Variants in XDH observed in about 807,000 individuals in gnomAD.
XDH encodes xanthine dehydrogenase/oxidase.
Under a neutral mutation model 156.1 loss-of-function variants are expected in XDH, and 138 were observed. The observed-to-expected ratio is 0.88, with a 90% CI of 0.77 to 1.02. The LOEUF (loss-of-function observed/expected upper bound fraction) is 1.02, where lower values mean the gene tolerates loss of function less well. XDH is among the 50% of genes least tolerant of loss of function. The pLI, the probability that XDH is intolerant of heterozygous loss-of-function variation, is 0.00. For missense variants in XDH, 1,849 were observed against 1,684.9 expected (o/e 1.10, Z -1.71); for synonymous variants, 669 against 625.7 (o/e 1.07, Z -1.03).
At chr2:31,404,806 C>T (rs1192551323) in intron 2 of XDH, among the ~76,000 whole-genome samples, 1 of 152,074 alleles carries the variant, frequency 6.6e-6, no homozygotes, top group Non-Finnish European at 1.5e-5. Context: ...GGTAAAAAAT[C>T]CAGAACAAAG....
rs147951650 is a variant in XDH at position 31,408,822 on chromosome 2, G to A, written c.43-2858C>T. Among the ~76,000 whole-genome samples, 578 of 152,306 alleles carry A rather than the reference G, an allele frequency of 3.8e-3. 8 individuals are homozygous for A. Among genetic ancestry groups the A allele is most frequent in the Non-Finnish European group, 3.7e-3 (251 of 68,028 alleles). On this transcript the variant is annotated intron_variant, in intron 1 of 35. Coordinates refer to ENST00000379416, the MANE Select transcript of XDH (RefSeq NM_000379.4). ...AGAAAGGAAGTCAGTATATAAAACAGATACCTGCACTCCTATGTTTTTTGC... is the reference window on the plus strand; with the variant it reads ...AGAAAGGAAGTCAGTATATAAAACAAATACCTGCACTCCTATGTTTTTTGC...
intron 13 of XDH, among the ~76,000 whole-genome samples, chr2:31,378,118 G>A (rs1437376052): frequency 0.018 from 660 of 37,182 alleles, 45 homozygotes; most frequent in African/African-American, 0.058. Flanking sequence ...AAGGAAGGAA[G>A]GAAGGAAGGA....
chr2:31,400,084 C>T (rs1023984628), intron 4 of XDH, among the ~76,000 whole-genome samples: 2 of 152,074 alleles, frequency 1.3e-5, no homozygotes, highest in South Asian at 2.1e-4. Context: ...AATCCCACCC[C>T]GACCTGGCTG....
rs756305972 is a variant in XDH at position 31,379,897 on chromosome 2, C to G, written c.1212G>C (p.Leu404=). ...RKTLLSPEEI[L]LSIEIPYSRE... is the part of the protein sequence containing the mutation. ...TGCTGTAGGGGATCTCTATGGAGAGCAGTATCTCCTCCGGGCTCAGCAGGG... is the reference window on the plus strand; with the variant it reads ...TGCTGTAGGGGATCTCTATGGAGAGGAGTATCTCCTCCGGGCTCAGCAGGG... The change falls in exon 13 of 36, where the codon CTG becomes CTC. Residue 404 remains leucine, a synonymous_variant. Transcript: ENST00000379416. 1 of 1,614,172 alleles carries G rather than the reference C, an allele frequency of 6.2e-7. No individual in the cohort carries two copies. The highest frequency in any genetic ancestry group is 8.5e-7 in the Non-Finnish European group (1 of 1,180,024).
chr2:31,375,519 GCACACACGT>G lies in XDH; in HGVS notation c.1454_1462del (p.Asp485_Cys487del). On this transcript the variant is annotated inframe_deletion, in exon 15 of 36. Transcript: ENST00000379416. ...CAGATGCAGCTCCTCTGCCAGTCCT[GCACACACGT>G]CCTGCAGCAGCTCCTCCTTCCAGAG... 1.2e-6 allele frequency: 2 copies of G among 1,613,956 alleles called. No homozygotes were observed. The highest frequency in any genetic ancestry group is 3.3e-5 in the Admixed American group (2 of 60,022).
chr2:31,338,945 G>A (rs1343388163), intron 34 of XDH, among the ~76,000 whole-genome samples: 2 of 151,598 alleles, frequency 1.3e-5, no homozygotes, highest in African/African-American at 2.4e-5. Flanking sequence ...GGCTGGTCTC[G>A]AACTTCTGAG....
intron 7 of XDH, 122 bp from the exon 8 acceptor site, chr2:31,388,019 C>T: frequency 1.6e-6 from 2 of 1,212,750 alleles, no homozygotes; most frequent in Non-Finnish European, 2.4e-6. Flanking sequence ...GCAAGAGGAG[C>T]AGGTAATCCC....
At position 31,411,281 on chromosome 2, in the gene XDH, A is replaced by G. The variant is rs1188398094; in HGVS notation, c.42+3344T>C. On this transcript the variant is annotated intron_variant, in intron 1 of 35. Coordinates refer to ENST00000379416, the MANE Select transcript of XDH (RefSeq NM_000379.4). ...GGGCGACACAGTGAAACCCTGTCTC[A>G]GGAAAAAAAAAAAAAAAAAGAATAT... Among the ~76,000 whole-genome samples, 4 of 147,700 alleles carry G rather than the reference A, an allele frequency of 2.7e-5. No individual in the cohort carries two copies. In the East Asian group the frequency reaches 5.8e-4, roughly 22 times the overall value.
At chr2:31,354,456 A>T (rs947996019) in intron 24 of XDH, among the ~76,000 whole-genome samples, 1 of 152,230 alleles carries the variant, frequency 6.6e-6, no homozygotes, top group Non-Finnish European at 1.5e-5. Context: ...GGTGACAAAG[A>T]TGTTAAAATT....
intron 31 of XDH, among the ~76,000 whole-genome samples, chr2:31,342,499 C>A (rs45598233): frequency 6.6e-6 from 1 of 152,170 alleles, no homozygotes; most frequent in Admixed American, 6.5e-5. Context: ...CTGGGCCCTC[C>A]TCTATTTTGC....
intron 2 of XDH, among the ~76,000 whole-genome samples, chr2:31,403,986 A>G (rs1218731281): frequency 6.6e-6 from 1 of 152,144 alleles, no homozygotes; most frequent in Non-Finnish European, 1.5e-5. Context: ...ACAATGATAT[A>G]ACATCTTATT....
rs1205909937 is a variant in XDH, at chr2:31,368,594, C to G, written c.2047G>C (p.Ala683Pro). 6.2e-7 allele frequency: 1 copy of G among 1,614,176 alleles called. No individual in the cohort carries two copies. Residue 683 changes from alanine (A) to proline (P), a missense_variant, in exon 19 of 36, where the codon GCC becomes CCC. Physicochemically the swap from Ala to Pro is conservative, Grantham distance 27 (BLOSUM62 -1). Transcript: ENST00000379416. ...ADTPEHTQRA[A>P]QGVKITYEEL... ...TCATAGGTGATTTTCACCCCTTGGG[C>G]AGCTCTCTGTGTGTGTTCCGGGGTG...
At chr2:31,405,768 G>A in intron 2 of XDH, 139 bp downstream of exon 2, 1 of 869,458 alleles carries the variant, frequency 1.2e-6, no homozygotes, top group African/African-American at 1.7e-5. Flanking sequence ...TAAAATGCAA[G>A]TGTCCCAAGT....
rs1685972523 is a variant in XDH at position 31,368,139 on chromosome 2, T to C, written c.2101-82A>G. 3 of 1,270,480 alleles carry C rather than the reference T, an allele frequency of 2.4e-6. No homozygotes were observed. The South Asian group carries it at 3.6e-5, about 15-fold the overall frequency. The allele number at this position is 1,270,480 out of a possible 1,614,324, so 78.7% of individuals were successfully genotyped here. A position where few individuals can be genotyped will look rare whatever the true frequency, so the allele number is the denominator to read the frequency against. ...GTTCTGATTAGGGAAAGAGAAGCTCTCTGAATTGTTGACTCTCTCTTTCCA... is the reference window on the plus strand; with the variant it reads ...GTTCTGATTAGGGAAAGAGAAGCTCCCTGAATTGTTGACTCTCTCTTTCCA... On this transcript the variant is annotated intron_variant, in intron 19 of 35. Coordinates refer to ENST00000379416, the MANE Select transcript of XDH (RefSeq NM_000379.4).
rs772456813 is a variant in XDH, at chr2:31,387,872, T to A, written c.590A>T (p.Lys197Ile). 1.9e-6 allele frequency: 3 copies of A among 1,587,014 alleles called. No individual in the cohort carries two copies. The highest frequency in any genetic ancestry group is 1.7e-6 in the Non-Finnish European group (2 of 1,167,164). ...HSVSLSPSLF[K>I]PEEFTPLDPT... ...ATCCAGGGGCGTGAACTCCTCTGGT[T>A]TGAATAAAGATGGCGAGAGGCTGAC... The change falls in exon 8 of 36, where the codon AAA becomes ATA. Residue 197 changes from lysine to isoleucine, a missense_variant. Lys to Ile is a moderately radical substitution (Grantham distance 102). Coordinates refer to ENST00000379416, the MANE Select transcript of XDH (RefSeq NM_000379.4).
chr2:31,377,675 C>T (rs1232277071), intron 13 of XDH, among the ~76,000 whole-genome samples: 2 of 152,116 alleles, frequency 1.3e-5, no homozygotes, highest in Non-Finnish European at 2.9e-5. Context: ...CTGTTTGTGG[C>T]CTCCACAGTG....
intron 24 of XDH, among the ~76,000 whole-genome samples, chr2:31,358,574 A>T (rs1004275650): frequency 6.6e-6 from 1 of 152,188 alleles, no homozygotes; most frequent in Non-Finnish European, 1.5e-5. Flanking sequence ...AGCTGGATTC[A>T]TTCCAAGGAC....
chr2:31,343,314 A>ATATATATATATATATATGCATGTT (rs1558675353), intron 31 of XDH, among the ~76,000 whole-genome samples: 4 of 129,774 alleles, frequency 3.1e-5, no homozygotes, highest in Non-Finnish European at 6.9e-5. Context: ...ATATATATAT[A>ATATATATATATATATATGCATGTT]TATATATATA....
intron 6 of XDH, among the ~76,000 whole-genome samples, chr2:31,393,804 T>TC (rs1326558711): frequency 6.6e-6 from 1 of 151,444 alleles, no homozygotes. Flanking sequence ...TTTTTTCTTT[T>TC]TTTTTTTTTC....
Sources: allele counts gnomAD v4.1 joint callset (sites outside exome capture counted in the v4.1 genomes callset), GRCh38; gene constraint gnomAD v4.1.1; transcripts MANE v1.5; gene names NCBI Gene and HGNC (gene_info 2026-07-23, HGNC 2026-07-21).